SLC15A1: variants seen among roughly 807,000 people sequenced by gnomAD.
The protein encoded by SLC15A1 is solute carrier family 15 member 1.
In SLC15A1, 83 loss-of-function variants were observed where a neutral mutation model predicts 92.9. The ratio of observed to expected loss-of-function variants is 0.89; its 90% CI spans 0.75 to 1.07. The LOEUF is 1.07. Ranked by LOEUF, SLC15A1 falls within the 50% of genes least tolerant of loss-of-function variation. SLC15A1 has a pLI of 0.00. For synonymous variants in SLC15A1, 322 were observed against 318.2 expected (o/e 1.01, Z -0.13); for missense variants, 857 against 880.1 (o/e 0.97, Z 0.33).
In SLC15A1 at chr13:98,721,486, A is replaced by G; in HGVS notation, c.556+9T>C. The G allele has an allele frequency of 1.2e-6, 2 of 1,602,658 alleles. No individual in the cohort carries two copies. The highest frequency in any genetic ancestry group is 1.7e-6 in the Non-Finnish European group (2 of 1,169,774). On this transcript the variant is annotated intron_variant, in intron 7 of 22. Coordinates refer to ENST00000376503, the MANE Select transcript of SLC15A1 (RefSeq NM_005073.4). ...AGACCAACAGAAGTTCCTTTCAGGT[A>G]TCTCTTACCTCTGAGCATGGGTGTG...
intron 4 of SLC15A1, among the ~76,000 whole-genome samples, 162 bp downstream of exon 4, chr13:98,725,961 C>T (rs2088295038): frequency 6.6e-6 from 1 of 152,130 alleles, no homozygotes; most frequent in Non-Finnish European, 1.5e-5. Context: ...CTGCCTCAGC[C>T]TCTCAAAGTG....
At chr13:98,741,302 G>A (rs533525109) in intron 1 of SLC15A1, among the ~76,000 whole-genome samples, 1 of 152,198 alleles carries the variant, frequency 6.6e-6, no homozygotes, top group Non-Finnish European at 1.5e-5. Flanking sequence ...ATCCTCAACT[G>A]CTCTTCATAG....
intron 1 of SLC15A1, among the ~76,000 whole-genome samples, chr13:98,728,998 A>AC: frequency 1.4e-5 from 2 of 147,382 alleles, no homozygotes; most frequent in South Asian, 4.3e-4. Context: ...AAAAAAAAAA[A>AC]AAAAAAAACA....
chr13:98,751,882 C>T (rs1274038622), intron 1 of SLC15A1, among the ~76,000 whole-genome samples: 1 of 152,232 alleles, frequency 6.6e-6, no homozygotes, highest in Non-Finnish European at 1.5e-5. Flanking sequence ...TGGGCTTCCT[C>T]ATCTTTAAGA....
Position 98,724,034 on chromosome 13 carries a change from G to A in SLC15A1, c.246-3C>T, listed in dbSNP as rs751457045. On this transcript the variant is annotated splice_polypyrimidine_tract_variant and splice_region_variant and intron_variant, in intron 4 of 22. Transcript: ENST00000376503. ...CAATGGAGAGCGACACAATGGTCCT[G>A]TGTTTCCAAAGATTAAGAGAATCCG... is the stretch of plus-strand genomic sequence containing the variant. 2 of 1,613,950 alleles carry A rather than the reference G, an allele frequency of 1.2e-6. No homozygotes were observed. The highest frequency in any genetic ancestry group is 1.7e-5 in the Admixed American group (1 of 59,986).
At position 98,689,776 on chromosome 13, in the gene SLC15A1, C is replaced by T. The variant is rs1198887184; in HGVS notation, c.1467-1199G>A. Among the ~76,000 whole-genome samples the T allele has an allele frequency of 2.0e-5, 3 of 152,210 alleles. No individual in the cohort carries two copies. In the East Asian group the frequency reaches 5.8e-4, roughly 29 times the overall value. On this transcript the variant is annotated intron_variant, in intron 18 of 22. Transcript: ENST00000376503. Reference sequence around the variant, plus strand: ...AGAGACAGCTTTAAGGAATCCCCTTCAGAGGGTGGAGGCCTGTGTGGTCCT... The same window carrying T: ...AGAGACAGCTTTAAGGAATCCCCTTTAGAGGGTGGAGGCCTGTGTGGTCCT...
At chr13:98,733,299 G>A (rs4772128) in intron 1 of SLC15A1, among the ~76,000 whole-genome samples, 5,663 of 152,262 alleles carry the variant, frequency 0.037, 140 homozygotes, top group Non-Finnish European at 0.059. Context: ...ATACACATAG[G>A]TTTGCCCCAA....
chr13:98,695,714 G>A (rs1173628721), intron 18 of SLC15A1, among the ~76,000 whole-genome samples: 1 of 151,886 alleles, frequency 6.6e-6, no homozygotes, highest in Non-Finnish European at 1.5e-5. Context: ...TTTGGCTGAT[G>A]CATTGCCACT....
Position 98,706,563 on chromosome 13 carries a change from C to T in SLC15A1, c.1150-310G>A, listed in dbSNP as rs548467599. The stretch of plus-strand genomic sequence containing the variant: ...GATAACTGAATCGTGGGGGTGGCTT[C>T]CCCCGTACTGTTCTTGTGGTAGTGA... On this transcript the variant is annotated intron_variant, in intron 15 of 22. Coordinates refer to ENST00000376503, the MANE Select transcript of SLC15A1 (RefSeq NM_005073.4). 3.9e-5 allele frequency among the ~76,000 whole-genome samples: 6 copies of T among 152,278 alleles called. No homozygotes were observed. In the South Asian group the frequency reaches 1.0e-3, roughly 26 times the overall value.
At chr13:98,732,528 T>C (rs1414216064) in intron 1 of SLC15A1, among the ~76,000 whole-genome samples, 1 of 152,186 alleles carries the variant, frequency 6.6e-6, no homozygotes, top group African/African-American at 2.4e-5. Flanking sequence ...CAATAAAATC[T>C]CCCATCCATA....
intron 15 of SLC15A1, among the ~76,000 whole-genome samples, chr13:98,707,196 AC>A (rs200709909): frequency 0.027 from 4,046 of 152,316 alleles, 140 homozygotes; most frequent in African/African-American, 0.086. Flanking sequence ...GAGCGTGAGT[AC>A]AGCCATGTTC....
intron 18 of SLC15A1, among the ~76,000 whole-genome samples, chr13:98,701,850 T>G (rs118129280): frequency 6.6e-6 from 1 of 151,930 alleles, no homozygotes; most frequent in South Asian, 2.1e-4. Flanking sequence ...TTTTTAAAAA[T>G]TTTTATTAGA....
intron 18 of SLC15A1, among the ~76,000 whole-genome samples, chr13:98,698,423 T>G (rs1006276640): frequency 2.6e-5 from 4 of 151,998 alleles, no homozygotes; most frequent in African/African-American, 9.7e-5. Context: ...TATTAGTAAG[T>G]TGTTTTTTGG....
intron 18 of SLC15A1, among the ~76,000 whole-genome samples, chr13:98,693,046 C>CCAGT (rs1035589736): frequency 5.4e-5 from 8 of 147,012 alleles, no homozygotes; most frequent in Non-Finnish European, 1.2e-4. Flanking sequence ...GCCAAGGGGT[C>CCAGT]CAGTTTACCC....
intron 1 of SLC15A1, among the ~76,000 whole-genome samples, chr13:98,742,337 G>A (rs1384842829): frequency 6.6e-6 from 1 of 152,218 alleles, no homozygotes. Flanking sequence ...CATGGGTCAT[G>A]AGCTGCCTTG....
chr13:98,684,670 G>A lies in SLC15A1; in HGVS notation c.*54C>T, dbSNP rs1272125585. 2 of 1,485,676 alleles carry A rather than the reference G, an allele frequency of 1.3e-6. No homozygotes were observed. The highest frequency in any genetic ancestry group is 1.9e-6 in the Non-Finnish European group (2 of 1,072,266). The allele number at this position is 1,485,676 out of a possible 1,614,324, so 92.0% of individuals were successfully genotyped here. A position where few individuals can be genotyped will look rare whatever the true frequency, so the allele number is the denominator to read the frequency against. On this transcript the variant is annotated 3_prime_UTR_variant, in exon 23 of 23. Transcript: ENST00000376503. ...CAATGGAGTGTCCTGCTACCTGGGGGCAGAGGTCAGGGCATCTGCGGGCCC... is the reference window on the plus strand; with the variant it reads ...CAATGGAGTGTCCTGCTACCTGGGGACAGAGGTCAGGGCATCTGCGGGCCC...
chr13:98,684,869 A>T lies in SLC15A1; in HGVS notation c.1982T>A (p.Val661Glu). The T allele has an allele frequency of 1.2e-6, 2 of 1,614,180 alleles. No homozygotes were observed. Among genetic ancestry groups the T allele is most frequent in the South Asian group, 2.2e-5 (2 of 91,068 alleles). ...LFAALLLVVC[V>E]IFAIMARFYT... ...GAACCGAGCCATGATGGCAAAAATT[A>T]CACAGACGACCAGAAGCAACGCGGC... is the stretch of plus-strand genomic sequence containing the variant. Residue 661 changes from valine (V) to glutamate (E), a missense_variant, in exon 23 of 23, where the codon GTA (valine) becomes GAA (glutamate). Physicochemically the swap from Val to Glu is moderately radical, Grantham distance 121. Coordinates refer to ENST00000376503, the MANE Select transcript of SLC15A1 (RefSeq NM_005073.4).
In SLC15A1 at chr13:98,708,741, A is replaced by G. The variant is rs1339877236; in HGVS notation, c.1094T>C (p.Met365Thr). The change falls in exon 15 of 23, where the codon ATG becomes ACG. Residue 365 changes from methionine (M) to threonine (T), a missense_variant. Physicochemically the swap from Met to Thr is moderately conservative, Grantham distance 81. Coordinates refer to ENST00000376503, the MANE Select transcript of SLC15A1 (RefSeq NM_005073.4). ...CACAAAGGCCATGGAGGCCAGGACC[A>G]TGCCAACTGCCATCTTCTTCAAGGA... ...FTSLKKMAVGMVLASMAFVVA... is the reference protein window; with the variant it reads ...FTSLKKMAVGTVLASMAFVVA... 3.1e-6 allele frequency: 5 copies of G among 1,612,528 alleles called. No homozygotes were observed. The African/African-American group carries it at 5.3e-5, about 17-fold the overall frequency.
intron 8 of SLC15A1, among the ~76,000 whole-genome samples, 172 bp downstream of exon 8, chr13:98,719,065 T>C (rs1026637728): frequency 3.9e-5 from 6 of 152,236 alleles, no homozygotes; most frequent in Admixed American, 6.5e-5. Context: ...GGAATTGATG[T>C]GCCAATCCTA....
Sources: allele counts gnomAD v4.1 joint callset (sites outside exome capture counted in the v4.1 genomes callset), GRCh38; gene constraint gnomAD v4.1.1; transcripts MANE v1.5; gene names NCBI Gene and HGNC (gene_info 2026-07-23, HGNC 2026-07-21).